PCDH15: variants seen among roughly 807,000 people sequenced by gnomAD.
PCDH15 encodes the protein protocadherin-15.
Under a neutral mutation model 178.5 loss-of-function variants are expected in PCDH15, and 129 were observed. That is an observed-to-expected ratio of 0.72 (90% confidence interval 0.63 to 0.84). The LOEUF is 0.84. Ranked by LOEUF, PCDH15 falls within the 40% of genes least tolerant of loss-of-function variation. The pLI is 0.00. For missense variants in PCDH15, 2,230 were observed against 2,099.9 expected, an observed-to-expected ratio of 1.06 and a Z score of -1.21; for synonymous variants, 800 against 732.0, an observed-to-expected ratio of 1.09 and a Z score of -1.50.
At chr10:54,849,731 G>T (rs1270419890) in intron 3 of PCDH15, among the ~76,000 whole-genome samples, 2 of 152,072 alleles carry the variant, frequency 1.3e-5, no homozygotes, top group African/African-American at 4.8e-5. Flanking sequence ...GGAAAGAACC[G>T]CAATTACTTT....
At chr10:54,155,326 G>T (rs2044997706) in intron 13 of PCDH15, among the ~76,000 whole-genome samples, 1 of 152,184 alleles carries the variant, frequency 6.6e-6, no homozygotes, top group South Asian at 2.1e-4. Context: ...CAAAACACAG[G>T]AGACAGAAAC....
intron 2 of PCDH15, among the ~76,000 whole-genome samples, chr10:55,074,058 C>CCG (rs1841818452): frequency 6.6e-6 from 1 of 152,082 alleles, no homozygotes; most frequent in Admixed American, 6.6e-5. Flanking sequence ...TTTTCTATGG[C>CCG]TGCATAGTAT....
At chr10:54,712,691 A>C (rs372057541) in intron 1 of PCDH15, among the ~76,000 whole-genome samples, 24 of 152,116 alleles carry the variant, frequency 1.6e-4, no homozygotes, top group East Asian at 9.7e-4. Flanking sequence ...ATAACATTCT[A>C]AACTAGAATT....
intron 3 of PCDH15, among the ~76,000 whole-genome samples, chr10:54,868,235 C>T (rs189660898): frequency 6.6e-6 from 1 of 152,154 alleles, no homozygotes; most frequent in South Asian, 2.1e-4. Flanking sequence ...CTCATGTATC[C>T]CAAATTATAG....
intron 2 of PCDH15, among the ~76,000 whole-genome samples, chr10:55,092,509 A>C (rs991895283): frequency 6.6e-6 from 1 of 151,916 alleles, no homozygotes; most frequent in Non-Finnish European, 1.5e-5. Context: ...TCATATTTAG[A>C]AAGGCACTTT....
intron 2 of PCDH15, among the ~76,000 whole-genome samples, chr10:55,539,517 A>C (rs1564443411): frequency 6.6e-6 from 1 of 152,084 alleles, no homozygotes; most frequent in African/African-American, 2.4e-5. Flanking sequence ...AAAATGCTTT[A>C]ATAGGATGTC....
At chr10:55,512,598 C>G (rs1213698363) in intron 2 of PCDH15, among the ~76,000 whole-genome samples, 2 of 151,868 alleles carry the variant, frequency 1.3e-5, no homozygotes, top group African/African-American at 4.8e-5. Context: ...GCTCAGATAC[C>G]ACAGAGAGCC....
intron 6 of PCDH15, among the ~76,000 whole-genome samples, chr10:54,344,028 G>A (rs138649562): frequency 0.051 from 7,811 of 152,132 alleles, 265 homozygotes; most frequent in Middle Eastern, 0.16. Flanking sequence ...TTTAGTAGTA[G>A]CAGAACATAA....
chr10:54,383,533 CCCTCA>C (rs1949500716), intron 3 of PCDH15, among the ~76,000 whole-genome samples: 1 of 151,850 alleles, frequency 6.6e-6, no homozygotes, highest in East Asian at 1.9e-4. Context: ...AAGGTTTATA[CCCTCA>C]GAATATTGCA....
intron 2 of PCDH15, among the ~76,000 whole-genome samples, chr10:55,354,327 G>A (rs955516553): frequency 1.3e-5 from 2 of 152,060 alleles, no homozygotes; most frequent in African/African-American, 4.8e-5. Context: ...TTTGGTTTGT[G>A]TCACACATTG....
At chr10:54,546,865 T>G (rs1196727110) in intron 2 of PCDH15, among the ~76,000 whole-genome samples, 3 of 152,182 alleles carry the variant, frequency 2.0e-5, no homozygotes, top group Non-Finnish European at 4.4e-5. Context: ...TATTTTGAAA[T>G]TTGACATATG....
At chr10:55,201,518 C>T (rs1840247656) in intron 1 of PCDH15, among the ~76,000 whole-genome samples, 1 of 152,156 alleles carries the variant, frequency 6.6e-6, no homozygotes, top group Non-Finnish European at 1.5e-5. Context: ...ATGACTTGTA[C>T]ACTGGATGAG....
At chr10:54,288,332 T>C (rs1793018072) in intron 8 of PCDH15, among the ~76,000 whole-genome samples, 2 of 151,476 alleles carry the variant, frequency 1.3e-5, no homozygotes, top group South Asian at 4.2e-4. Flanking sequence ...AATAAATACA[T>C]AAATAAGAGA....
intron 1 of PCDH15, among the ~76,000 whole-genome samples, chr10:54,685,269 AT>A (rs1375896732): frequency 3.9e-5 from 6 of 152,172 alleles, no homozygotes; most frequent in East Asian, 1.9e-4. Context: ...TTTACAGTTA[AT>A]TTTTTTATAA....
intron 2 of PCDH15, among the ~76,000 whole-genome samples, chr10:55,405,806 G>GT (rs1322843845): frequency 3.3e-5 from 5 of 151,826 alleles, no homozygotes; most frequent in African/African-American, 1.2e-4. Flanking sequence ...CCTAATTCTA[G>GT]TAGTGGTACA....
chr10:55,117,239 T>C (rs1418502390), intron 2 of PCDH15, among the ~76,000 whole-genome samples: 1 of 152,190 alleles, frequency 6.6e-6, no homozygotes. Flanking sequence ...AAATAAAGGC[T>C]GTTCTTTTTA....
chr10:54,146,935 A>AG (rs1564530449), intron 14 of PCDH15, among the ~76,000 whole-genome samples: 47 of 63,308 alleles, frequency 7.4e-4, no homozygotes, highest in Middle Eastern at 6.9e-3. Context: ...TATATATATA[A>AG]TGTATATATA....
At chr10:55,238,154 T>C (rs1592011149) in intron 1 of PCDH15, among the ~76,000 whole-genome samples, 1 of 147,718 alleles carries the variant, frequency 6.8e-6, no homozygotes, top group East Asian at 2.0e-4. Context: ...TCTTTTTTTT[T>C]TTTTTTTTTT....
At chr10:53,918,629 G>A (rs2083727841) in intron 25 of PCDH15, among the ~76,000 whole-genome samples, 1 of 152,128 alleles carries the variant, frequency 6.6e-6, no homozygotes, top group Middle Eastern at 3.4e-3. Context: ...GTTGAAGGAA[G>A]AGAAAAAAAT....
Sources: allele counts gnomAD v4.1 joint callset (sites outside exome capture counted in the v4.1 genomes callset), GRCh38; gene constraint gnomAD v4.1.1; transcripts MANE v1.5; gene names NCBI Gene and HGNC (gene_info 2026-07-23, HGNC 2026-07-21).